The following KANK1 variants were observed in gnomAD, a reference collection of about 807,000 sequenced individuals.
KANK1 encodes KN motif and ankyrin repeat domains 1.
In KANK1, 109 loss-of-function variants were observed where a neutral mutation model predicts 106.2. That is an observed-to-expected ratio of 1.03 (90% CI 0.88 to 1.20). The LOEUF is 1.20. Among genes scored for constraint, KANK1 ranks in the 50% most tolerant of loss-of-function variants. The probability of loss-of-function intolerance (pLI) is 0.00; values close to 1 mark genes in which losing one functional copy is unlikely to be tolerated. For synonymous variants in KANK1, 873 were observed against 652.2 expected (o/e 1.34, Z -5.16); for missense variants, 2,399 against 1,710.7 (o/e 1.40, Z -7.10).
intron 7 of KANK1, among the ~76,000 whole-genome samples, chr9:737,554 A>G (rs1490673999): frequency 6.6e-6 from 1 of 152,230 alleles, no homozygotes; most frequent in Non-Finnish European, 1.5e-5. Flanking sequence ...GATCATCCAC[A>G]AAGCAAGTGC....
intron 1 of KANK1, among the ~76,000 whole-genome samples, chr9:542,327 C>T (rs947611388): frequency 6.6e-6 from 1 of 152,194 alleles, no homozygotes; most frequent in Non-Finnish European, 1.5e-5. Flanking sequence ...GGCAAAACCT[C>T]GTCTCTACTA....
rs1314751819 is a variant in KANK1 at position 711,476 on chromosome 9, G to A, written c.710G>A (p.Ser237Asn). The A allele has an allele frequency of 6.8e-6, 11 of 1,614,032 alleles. No individual in the cohort carries two copies. Among genetic ancestry groups the A allele is most frequent in the South Asian group, 1.1e-5 (1 of 91,078 alleles). The change falls in exon 3 of 12, where the codon AGC becomes AAC. Residue 237 changes from serine to asparagine, a missense_variant. Transcript: ENST00000382297. ...PAAPTTSSMG[S>N]SIRHSPLSSG... ...GCTCCCACCACTTCCTCCATGGGGA[G>A]CTCCATCCGCCACAGCCCCCTGAGC...
intron 1 of KANK1, among the ~76,000 whole-genome samples, chr9:564,152 C>T (rs201019638): frequency 2.6e-5 from 4 of 151,760 alleles, no homozygotes; most frequent in Admixed American, 6.6e-5. Flanking sequence ...CTCCGCCTCC[C>T]GGGTTCACGC....
intron 1 of KANK1, among the ~76,000 whole-genome samples, chr9:513,728 T>TG (rs1319072624): frequency 2.0e-5 from 3 of 152,150 alleles, no homozygotes; most frequent in African/African-American, 7.2e-5. Context: ...CCTTTGACCT[T>TG]GGGAAAAAAT....
chr9:704,623 T>C (rs1274701919), intron 2 of KANK1, among the ~76,000 whole-genome samples: 8 of 152,204 alleles, frequency 5.3e-5, no homozygotes, highest in African/African-American at 1.4e-4. Flanking sequence ...AAGTGAACTT[T>C]CTCATTTTAT....
intron 1 of KANK1, among the ~76,000 whole-genome samples, chr9:542,726 A>G (rs1324901844): frequency 6.6e-6 from 1 of 152,240 alleles, no homozygotes. Flanking sequence ...CACCCTTACA[A>G]AAGAAGAAAT....
chr9:741,773 T>C (rs1298421905), intron 9 of KANK1, among the ~76,000 whole-genome samples: 2 of 151,988 alleles, frequency 1.3e-5, no homozygotes, highest in Non-Finnish European at 2.9e-5. Context: ...AGGCGTGAGC[T>C]ACTGCGCCAG....
At chr9:718,510 A>G (rs916018088) in intron 3 of KANK1, among the ~76,000 whole-genome samples, 2 of 151,664 alleles carry the variant, frequency 1.3e-5, no homozygotes, top group Non-Finnish European at 2.9e-5. Flanking sequence ...AGGTCTCCCC[A>G]TGTTGCCCAG....
In KANK1 at chr9:712,686, C is replaced by T. The variant is rs753138634; in HGVS notation, c.1920C>T (p.Cys640=). 13 of 1,614,032 alleles carry T rather than the reference C, an allele frequency of 8.1e-6. No homozygotes were observed. The highest frequency in any genetic ancestry group is 5.5e-5 in the South Asian group (5 of 91,086). The change falls in exon 3 of 12, where the codon TGC becomes TGT. Residue 640 remains cysteine, a synonymous_variant. Coordinates refer to ENST00000382297, the MANE Select transcript of KANK1 (RefSeq NM_015158.5). ...CGDCSVDVTV[C]SPKECASRGV... ...ATTGTTCTGTTGACGTGACCGTCTG[C>T]TCTCCAAAGGAGTGCGCCTCCCGGG... is the stretch of plus-strand genomic sequence containing the variant.
intron 1 of KANK1, among the ~76,000 whole-genome samples, chr9:623,984 C>T (rs1467974215): frequency 1.3e-5 from 2 of 152,060 alleles, no homozygotes; most frequent in Non-Finnish European, 2.9e-5. Context: ...ACCCAAGTGC[C>T]ATTTATCTTA....
intron 1 of KANK1, among the ~76,000 whole-genome samples, chr9:508,121 C>CA (rs2058853338): frequency 5.1e-5 from 2 of 39,156 alleles, no homozygotes; most frequent in East Asian, 8.7e-4. Context: ...CCTGCTCAGC[C>CA]TTTTTTTTTT....
At position 713,114 on chromosome 9, in the gene KANK1, C is replaced by A; in HGVS notation, c.2348C>A (p.Pro783Gln). Residue 783 changes from proline to glutamine, a missense_variant, in exon 3 of 12, where the codon CCA (proline) becomes CAA (glutamine). Coordinates refer to ENST00000382297, the MANE Select transcript of KANK1 (RefSeq NM_015158.5). The stretch of plus-strand genomic sequence containing the variant: ...AAAATGAGGACTATAGCTTGTGGGC[C>A]ACCACAGTTGACTGTGGGGCTGACA... ...GLKMRTIACGPPQLTVGLTAS... is the reference protein window; with the variant it reads ...GLKMRTIACGQPQLTVGLTAS... The A allele has an allele frequency of 1.2e-6, 2 of 1,606,634 alleles. No homozygotes were observed. Among genetic ancestry groups the A allele is most frequent in the African/African-American group, 1.3e-5 (1 of 74,926 alleles).
chr9:613,141 G>T (rs1257615082), intron 1 of KANK1, among the ~76,000 whole-genome samples: 1 of 151,938 alleles, frequency 6.6e-6, no homozygotes, highest in African/African-American at 2.4e-5. Flanking sequence ...ACCAGAATAG[G>T]CCAGTAATTT....
At chr9:491,807 C>T (rs544138786) in intron 3 of KANK1, among the ~76,000 whole-genome samples, 3 of 152,112 alleles carry the variant, frequency 2.0e-5, no homozygotes, top group East Asian at 1.9e-4. Flanking sequence ...AATCAAATCA[C>T]GGGAGTGGGT....
intron 1 of KANK1, among the ~76,000 whole-genome samples, chr9:621,610 C>G (rs541506118): frequency 2.6e-4 from 40 of 152,112 alleles, no homozygotes; most frequent in Non-Finnish European, 4.9e-4. Context: ...AAGTCTGAAA[C>G]TTGATAATCC....
chr9:508,655 G>C (rs1276438275), intron 1 of KANK1, among the ~76,000 whole-genome samples: 1 of 148,532 alleles, frequency 6.7e-6, no homozygotes, highest in Non-Finnish European at 1.5e-5. Context: ...ACGGTATATA[G>C]CTTTTAGTAT....
intron 3 of KANK1, among the ~76,000 whole-genome samples, chr9:496,751 T>G (rs184742865): frequency 6.6e-6 from 1 of 152,298 alleles, no homozygotes; most frequent in Non-Finnish European, 1.5e-5. Flanking sequence ...TTTTTGTCCT[T>G]TATGAAGCCT....
intron 3 of KANK1, among the ~76,000 whole-genome samples, chr9:493,475 A>T (rs956393430): frequency 1.3e-5 from 2 of 151,794 alleles, no homozygotes; most frequent in African/African-American, 2.4e-5. Context: ...CCAGTGAAGC[A>T]GCTCACTGGA....
intron 1 of KANK1, among the ~76,000 whole-genome samples, chr9:630,247 TAAAAAAAA>T (rs1007088691): frequency 1.6e-5 from 2 of 127,616 alleles, no homozygotes; most frequent in Non-Finnish European, 3.3e-5. Flanking sequence ...GACTCTGTCT[TAAAAAAAA>T]GAAAAAAAAC....
Sources: gnomAD v4.1 joint callset for allele counts (sites outside exome capture counted in the v4.1 genomes callset) on GRCh38, gnomAD v4.1.1 for gene constraint, MANE v1.5 for transcripts, NCBI Gene and HGNC (gene_info 2026-07-23, HGNC 2026-07-21) for gene names.